Variants in COL19A1 observed in about 807,000 individuals in gnomAD.
The protein encoded by COL19A1 is collagen type XIX alpha 1 chain.
Under a neutral mutation model 190.2 loss-of-function variants are expected in COL19A1, and 159 were observed. The ratio of observed to expected loss-of-function variants is 0.84; its 90% CI spans 0.73 to 0.95. The LOEUF is 0.95. COL19A1 is among the 40% of genes least tolerant of loss of function. COL19A1 has a pLI of 0.00. For missense variants in COL19A1, 1,418 were observed against 1,431.9 expected (o/e 0.99, Z 0.16); for synonymous variants, 509 against 458.9 (o/e 1.11, Z -1.39).
At chr6:70,116,354 C>T (rs572247601) in intron 16 of COL19A1, among the ~76,000 whole-genome samples, 7 of 152,114 alleles carry the variant, frequency 4.6e-5, no homozygotes, top group Admixed American at 3.9e-4. Context: ...ATGATTCTAC[C>T]GAATTCAACA....
intron 15 of COL19A1, among the ~76,000 whole-genome samples, chr6:70,074,748 A>C (rs1781777590): frequency 6.9e-6 from 1 of 145,620 alleles, no homozygotes; most frequent in Admixed American, 6.7e-5. Context: ...TGTTAGTTTC[A>C]CATTATAACA....
intron 16 of COL19A1, among the ~76,000 whole-genome samples, chr6:70,117,625 A>G (rs554638027): frequency 6.6e-6 from 1 of 152,336 alleles, no homozygotes; most frequent in South Asian, 2.1e-4. Flanking sequence ...CACCAGGTTT[A>G]TAGGCCTCTC....
chr6:70,046,562 G>A (rs979353059), intron 14 of COL19A1, among the ~76,000 whole-genome samples: 1 of 151,882 alleles, frequency 6.6e-6, no homozygotes, highest in African/African-American at 2.4e-5. Flanking sequence ...TAGAATAAAT[G>A]GATTGTTCTG....
chr6:70,047,367 CATA>C (rs1348591018), intron 14 of COL19A1, among the ~76,000 whole-genome samples: 4 of 151,900 alleles, frequency 2.6e-5, no homozygotes, highest in Non-Finnish European at 5.9e-5. Context: ...ATGTGTTTAT[CATA>C]ATAAGTATAC....
chr6:70,031,794 AC>A (rs1282788232), intron 12 of COL19A1, among the ~76,000 whole-genome samples: 17 of 151,896 alleles, frequency 1.1e-4, no homozygotes, highest in African/African-American at 4.1e-4. Flanking sequence ...CATTTCTGAC[AC>A]CCCCCTTGAA....
rs753292294 is a variant in COL19A1, at chr6:70,156,226, C to T, written c.2179C>T (p.Arg727Trp). ...GCCTGGAAAGTATGATTCCATGGCC[C>T]GGAAGGTGAGAAGCCTGGCTGAATG... is the stretch of plus-strand genomic sequence containing the variant. The part of the protein sequence containing the change: ...GEPGKYDSMA[R>W]KGDIGPRGPP... Residue 727 changes from arginine (R) to tryptophan (W), a missense_variant, in exon 32 of 51, where the codon CGG becomes TGG. By Grantham distance (101) the Arg-to-Trp change is moderately radical (BLOSUM62 -3). Transcript: ENST00000620364. The T allele has an allele frequency of 2.7e-5, 43 of 1,613,076 alleles. No individual in the cohort carries two copies. Among genetic ancestry groups the T allele is most frequent in the Admixed American group, 5.0e-5 (3 of 59,842 alleles).
intron 15 of COL19A1, among the ~76,000 whole-genome samples, chr6:70,077,093 G>T (rs776954347): frequency 6.6e-6 from 1 of 152,112 alleles, no homozygotes; most frequent in Non-Finnish European, 1.5e-5. Context: ...ATGGCCTAAT[G>T]ACTTTGAAAG....
chr6:69,953,586 C>T lies in COL19A1; in HGVS notation c.937-6410C>T, dbSNP rs75767729. On this transcript the variant is annotated intron_variant, in intron 9 of 50. Transcript: ENST00000620364. ...CAGGAAAAAGAAAAAGAAACTTGCT[C>T]ACTCTGCAGCTGATTTTATTTCTTA... 2.8e-3 allele frequency among the ~76,000 whole-genome samples: 426 copies of T among 152,000 alleles called. 3 individuals carry two copies. The highest frequency in any genetic ancestry group is 9.5e-3 in the African/African-American group (396 of 41,496).
Position 69,921,481 on chromosome 6 carries a change from T to TATATTCATATATATTC in COL19A1, c.267-6424_267-6423insTCATATATATTCATAT, listed in dbSNP as rs1771892125. Among the ~76,000 whole-genome samples the TATATTCATATATATTC allele has an allele frequency of 1.5e-4, 13 of 86,394 alleles. 1 individual carries two copies. Among genetic ancestry groups the TATATTCATATATATTC allele is most frequent in the Non-Finnish European group, 2.2e-4 (11 of 49,212 alleles). The allele number at this position is 86,394 out of a possible 152,430, so 56.7% of individuals were successfully genotyped here. On this transcript the variant is annotated intron_variant, in intron 4 of 50. Coordinates refer to ENST00000620364, the MANE Select transcript of COL19A1 (RefSeq NM_001858.6). Reference sequence around the variant, plus strand: ...TATATCATATATATTCATATATTCATATATATTCATATATATTCATATATA... The same window carrying TATATTCATATATATTC: ...TATATCATATATATTCATATATTCATATATTCATATATATTCATATATTCATATATATTCATATATA...
chr6:70,199,548 A>T, intron 48 of COL19A1, 60 bp from the exon 49 acceptor site: 1 of 1,271,144 alleles, frequency 7.9e-7, no homozygotes, highest in Non-Finnish European at 1.0e-6. Context: ...GTATTTTGAA[A>T]TTTTTTGACA....
chr6:69,881,887 G>A (rs1018913528), intron 2 of COL19A1, among the ~76,000 whole-genome samples: 6 of 152,210 alleles, frequency 3.9e-5, no homozygotes, highest in African/African-American at 1.4e-4. Flanking sequence ...TGAAGAAGAT[G>A]ACAAGCTGGG....
intron 27 of COL19A1, among the ~76,000 whole-genome samples, chr6:70,149,397 T>C (rs940453115): frequency 3.3e-5 from 5 of 152,130 alleles, no homozygotes; most frequent in Admixed American, 3.3e-4. Context: ...GGTGGTCAGT[T>C]TCTGACAGGT....
intron 11 of COL19A1, among the ~76,000 whole-genome samples, chr6:70,010,298 T>C (rs1011205755): frequency 2.6e-5 from 4 of 152,058 alleles, no homozygotes; most frequent in Non-Finnish European, 5.9e-5. Context: ...TCATGAAAAG[T>C]TGTTCAACAT....
intron 16 of COL19A1, among the ~76,000 whole-genome samples, chr6:70,117,098 G>A (rs956078632): frequency 2.0e-5 from 3 of 152,146 alleles, no homozygotes; most frequent in African/African-American, 7.2e-5. Flanking sequence ...GTGAGCAGGC[G>A]ATTTGACTAA....
chr6:69,966,531 G>A (rs1015769686), intron 11 of COL19A1, among the ~76,000 whole-genome samples: 2 of 152,068 alleles, frequency 1.3e-5, no homozygotes, highest in African/African-American at 2.4e-5. Flanking sequence ...GATTAAGGGC[G>A]GTGCAAGATG....
chr6:69,884,414 A>C (rs1768775683), intron 2 of COL19A1, among the ~76,000 whole-genome samples: 1 of 152,172 alleles, frequency 6.6e-6, no homozygotes, highest in South Asian at 2.1e-4. Flanking sequence ...TCTTAAGATT[A>C]GAATGCCTAG....
At chr6:70,140,407 C>T (rs1786171882) in intron 19 of COL19A1, among the ~76,000 whole-genome samples, 1 of 150,958 alleles carries the variant, frequency 6.6e-6, no homozygotes, top group Non-Finnish European at 1.5e-5. Flanking sequence ...ATTTTTTATC[C>T]ACAATTGCTT....
chr6:70,057,127 T>C (rs1780550769), intron 14 of COL19A1, among the ~76,000 whole-genome samples: 1 of 152,190 alleles, frequency 6.6e-6, no homozygotes. Flanking sequence ...GTTCCTTCTG[T>C]CTGCAGTAGA....
intron 5 of COL19A1, 51 bp downstream of exon 5, chr6:69,928,083 C>A: frequency 6.3e-7 from 1 of 1,587,082 alleles, no homozygotes; most frequent in Non-Finnish European, 8.6e-7. Flanking sequence ...GTAATTAAGC[C>A]AGGTGAATTA....
Sources: gnomAD v4.1 joint callset for allele counts (sites outside exome capture counted in the v4.1 genomes callset) on GRCh38, gnomAD v4.1.1 for gene constraint, MANE v1.5 for transcripts, NCBI Gene and HGNC (gene_info 2026-07-23, HGNC 2026-07-21) for gene names.